PICALM: variants seen among roughly 807,000 people sequenced by gnomAD.
The protein encoded by PICALM is phosphatidylinositol-binding clathrin assembly protein.
Under a neutral mutation model 80.5 loss-of-function variants are expected in PICALM, and 40 were observed. That is an observed-to-expected ratio of 0.50 (90% CI 0.39 to 0.65). The LOEUF is 0.65. Among genes scored for constraint, PICALM ranks in the 30% least tolerant of loss-of-function variants. PICALM has a pLI of 0.00. For synonymous variants in PICALM, 288 were observed against 260.3 expected (o/e 1.11, Z -1.02); for missense variants, 676 against 778.9 (o/e 0.87, Z 1.57).
Position 85,977,874 on chromosome 11 carries a change from T to A in PICALM, c.1780-1192A>T, listed in dbSNP as rs575994638. 5.3e-5 allele frequency among the ~76,000 whole-genome samples: 8 copies of A among 152,088 alleles called. No individual in the cohort carries two copies. The South Asian group carries it at 1.7e-3, about 32-fold the overall frequency. Reference sequence around the variant, plus strand: ...GCGGAATATTAAGCAAGAAAAAAAATCGGTATTTCCCATGCCACCATCAGA... The same window carrying A: ...GCGGAATATTAAGCAAGAAAAAAAAACGGTATTTCCCATGCCACCATCAGA... On this transcript the variant is annotated intron_variant, in intron 17 of 19. Coordinates refer to ENST00000393346, the MANE Select transcript of PICALM (RefSeq NM_007166.4).
chr11:86,031,363 A>C (rs1232298885), intron 2 of PICALM, 106 bp downstream of exon 2: 1 of 791,704 alleles, frequency 1.3e-6, no homozygotes, highest in Non-Finnish European at 2.0e-6. Context: ...CTGGCTAGGC[A>C]CCTTGACCTT....
At chr11:86,017,513 T>C (rs1033757423) in intron 4 of PICALM, among the ~76,000 whole-genome samples, 2 of 152,220 alleles carry the variant, frequency 1.3e-5, no homozygotes, top group Admixed American at 6.5e-5. Context: ...TGTTGAGTGT[T>C]TGTTATGTGT....
intron 1 of PICALM, among the ~76,000 whole-genome samples, chr11:86,061,308 G>A (rs1435764098): frequency 8.1e-6 from 1 of 122,840 alleles, no homozygotes; most frequent in East Asian, 2.5e-4. Flanking sequence ...TCCAGCCCGG[G>A]AGACAGAGCA....
chr11:85,985,698 C>T (rs1346196313), intron 13 of PICALM, among the ~76,000 whole-genome samples: 1 of 152,098 alleles, frequency 6.6e-6, no homozygotes, highest in Non-Finnish European at 1.5e-5. Context: ...AATGTATCTA[C>T]TCAAGAAAAA....
chr11:86,001,303 G>T (rs2095136398), intron 9 of PICALM, 145 bp from the exon 10 acceptor site: 1 of 729,276 alleles, frequency 1.4e-6, no homozygotes. Context: ...TACTTCAGAT[G>T]AAATATTCTA....
intron 19 of PICALM, among the ~76,000 whole-genome samples, chr11:85,972,925 T>C (rs80133204): frequency 0.051 from 7,799 of 152,264 alleles, 333 homozygotes; most frequent in African/African-American, 0.12. Context: ...GTTAAACCAG[T>C]AATGAGATTA....
At chr11:85,997,825 C>G (rs2095023813) in intron 11 of PICALM, among the ~76,000 whole-genome samples, 1 of 151,920 alleles carries the variant, frequency 6.6e-6, no homozygotes, top group African/African-American at 2.4e-5. Context: ...CTCTGTTGTC[C>G]AGGCTGGAGT....
chr11:86,049,337 A>T (rs1035541277), intron 1 of PICALM, among the ~76,000 whole-genome samples: 1 of 152,218 alleles, frequency 6.6e-6, no homozygotes, highest in African/African-American at 2.4e-5. Context: ...CCATACCAAA[A>T]GATCAAATGC....
At chr11:86,057,972 A>G (rs1046403174) in intron 1 of PICALM, among the ~76,000 whole-genome samples, 2 of 152,212 alleles carry the variant, frequency 1.3e-5, no homozygotes, top group African/African-American at 4.8e-5. Context: ...AAATCTCTTT[A>G]TCTTAGCTTT....
intron 1 of PICALM, among the ~76,000 whole-genome samples, chr11:86,056,134 TTAAAAAA>T (rs993037144): frequency 2.6e-5 from 2 of 76,820 alleles, no homozygotes; most frequent in Admixed American, 1.6e-4. Flanking sequence ...GACTCTGTCT[TTAAAAAA>T]AAAAAAAAAG....
At chr11:86,019,219 TATA>T (rs975918538) in intron 4 of PICALM, among the ~76,000 whole-genome samples, 22 of 152,116 alleles carry the variant, frequency 1.4e-4, no homozygotes, top group Admixed American at 1.2e-3. Context: ...TTTGCCATGA[TATA>T]ATAATTTCAA....
At chr11:85,966,117 C>T (rs2093886390) in intron 19 of PICALM, among the ~76,000 whole-genome samples, 1 of 152,026 alleles carries the variant, frequency 6.6e-6, no homozygotes, top group Admixed American at 6.6e-5. Context: ...CCGCACCCGG[C>T]CCGCATTACG....
intron 1 of PICALM, among the ~76,000 whole-genome samples, chr11:86,045,524 A>G (rs1158063016): frequency 7.7e-6 from 1 of 129,316 alleles, no homozygotes; most frequent in Non-Finnish European, 1.6e-5. Context: ...AAATTCAAAA[A>G]AAAAAAAAAA....
At chr11:86,003,185 T>C (rs991709066) in intron 9 of PICALM, among the ~76,000 whole-genome samples, 181 bp downstream of exon 9, 2 of 152,198 alleles carry the variant, frequency 1.3e-5, no homozygotes, top group African/African-American at 4.8e-5. Context: ...TTCAAGAATT[T>C]GCATGTATTA....
intron 17 of PICALM, among the ~76,000 whole-genome samples, chr11:85,980,465 T>C (rs1184123226): frequency 2.0e-5 from 3 of 152,202 alleles, no homozygotes; most frequent in Non-Finnish European, 4.4e-5. Context: ...ATGCATATAT[T>C]TCCCCCAGCA....
At chr11:86,000,585 T>G (rs2095112810) in intron 11 of PICALM, 58 bp downstream of exon 11, 1 of 1,448,674 alleles carries the variant, frequency 6.9e-7, no homozygotes, top group African/African-American at 1.4e-5. Flanking sequence ...TCTGCAAAAT[T>G]TCTATTAGAA....
At chr11:85,990,666 A>C (rs1179334057) in intron 12 of PICALM, among the ~76,000 whole-genome samples, 1 of 152,206 alleles carries the variant, frequency 6.6e-6, no homozygotes, top group Non-Finnish European at 1.5e-5. Context: ...ATGGAATAAT[A>C]ACCAAGATGT....
chr11:86,030,496 G>C (rs547691827), intron 2 of PICALM, among the ~76,000 whole-genome samples: 1 of 144,724 alleles, frequency 6.9e-6, no homozygotes, highest in African/African-American at 2.9e-5. Flanking sequence ...GGCACATACC[G>C]AAGAAGATTT....
intron 2 of PICALM, among the ~76,000 whole-genome samples, chr11:86,029,131 A>G (rs920299593): frequency 6.6e-6 from 1 of 151,798 alleles, no homozygotes; most frequent in African/African-American, 2.4e-5. Context: ...GAGCTACCTC[A>G]CCCAGCCTGT....
Sources: gnomAD v4.1 joint callset for allele counts (sites outside exome capture counted in the v4.1 genomes callset) on GRCh38, gnomAD v4.1.1 for gene constraint, MANE v1.5 for transcripts, NCBI Gene and HGNC (gene_info 2026-07-23, HGNC 2026-07-21) for gene names.